NEURL1: variants seen among roughly 807,000 people sequenced by gnomAD.
NEURL1 encodes E3 ubiquitin-protein ligase NEURL1.
NEURL1 carries 26 observed loss-of-function variants against 41.2 expected under a neutral mutation model. The observed-to-expected ratio is 0.63, with a 90% CI of 0.46 to 0.87. NEURL1 has a LOEUF of 0.87. Among genes scored for constraint, NEURL1 ranks in the 40% least tolerant of loss-of-function variants. The pLI is 0.00. For synonymous variants in NEURL1, 400 were observed against 402.3 expected, an observed-to-expected ratio of 0.99 and a Z score of 0.07; for missense variants, 761 against 871.1, an observed-to-expected ratio of 0.87 and a Z score of 1.59.
intron 1 of NEURL1, among the ~76,000 whole-genome samples, chr10:103,519,726 T>G (rs184380792): frequency 2.6e-5 from 4 of 152,272 alleles, no homozygotes; most frequent in Admixed American, 2.6e-4. Context: ...CGTCATCACT[T>G]TTGTCACCAT....
Position 103,590,569 on chromosome 10 carries a change from G to A in NEURL1, c.*197G>A, listed in dbSNP as rs764304645. The A allele has an allele frequency of 2.2e-5, 13 of 593,856 alleles. 1 individual carries two copies. Among genetic ancestry groups the A allele is most frequent in the South Asian group, 2.0e-4 (10 of 49,812 alleles). 36.8% of individuals were successfully genotyped at this position (593,856 alleles called of 1,614,324 possible). A position where few individuals can be genotyped will look rare whatever the true frequency, so the allele number is the denominator to read the frequency against. ...AGGGAGGGGGCAGAGGCAAATCACCGGGCAGAGGGAGGGGAGGAGAGGAGG... is the reference window on the plus strand; with the variant it reads ...AGGGAGGGGGCAGAGGCAAATCACCAGGCAGAGGGAGGGGAGGAGAGGAGG... On this transcript the variant is annotated 3_prime_UTR_variant, in exon 6 of 6. Coordinates refer to ENST00000369780, the MANE Select transcript of NEURL1 (RefSeq NM_004210.5).
intron 1 of NEURL1, among the ~76,000 whole-genome samples, chr10:103,509,785 T>TAGGGGTGAAGGTGCTATTTC (rs2034029354): frequency 6.6e-6 from 1 of 152,098 alleles, no homozygotes; most frequent in Non-Finnish European, 1.5e-5. Flanking sequence ...AGGTGGTATT[T>TAGGGGTGAAGGTGCTATTTC]TGGGGTGAAG....
At chr10:103,533,584 T>C (rs2034621208) in intron 1 of NEURL1, among the ~76,000 whole-genome samples, 1 of 151,998 alleles carries the variant, frequency 6.6e-6, no homozygotes, top group African/African-American at 2.4e-5. Flanking sequence ...TCGCCCAGGC[T>C]GGAGTGCAGT....
intron 1 of NEURL1, among the ~76,000 whole-genome samples, chr10:103,564,161 G>A (rs2035367841): frequency 6.6e-6 from 1 of 152,218 alleles, no homozygotes; most frequent in Admixed American, 6.5e-5. Flanking sequence ...CTGAGAGGCA[G>A]GAATGTGGTC....
chr10:103,504,267 A>G (rs1161975878), intron 1 of NEURL1, among the ~76,000 whole-genome samples: 1 of 152,114 alleles, frequency 6.6e-6, no homozygotes, highest in Non-Finnish European at 1.5e-5. Flanking sequence ...CTGGGATTAC[A>G]GGCGGGAGCC....
chr10:103,559,749 A>G (rs1052423837), intron 1 of NEURL1, among the ~76,000 whole-genome samples: 1 of 152,202 alleles, frequency 6.6e-6, no homozygotes, highest in Admixed American at 6.5e-5. Context: ...CACCTGGTAC[A>G]TAGTAAGCAC....
At chr10:103,513,456 T>G (rs1297098663) in intron 1 of NEURL1, among the ~76,000 whole-genome samples, 2 of 152,210 alleles carry the variant, frequency 1.3e-5, no homozygotes, top group Admixed American at 6.5e-5. Flanking sequence ...GAGTGGCCTC[T>G]CCAAGGCTCA....
Position 103,552,277 on chromosome 10 carries a change from G to A in NEURL1, c.86-18595G>A, listed in dbSNP as rs1327885871. Among the ~76,000 whole-genome samples, 3 of 152,242 alleles carry A rather than the reference G, an allele frequency of 2.0e-5. No individual in the cohort carries two copies. In the East Asian group the frequency reaches 5.8e-4, roughly 29 times the overall value. On this transcript the variant is annotated intron_variant, in intron 1 of 5. Transcript: ENST00000369780. ...TGCAGGACTTCCCTATTGCTCTCAG[G>A]AAGAAGGCCAGAGTCTTCGCCCTTC...
intron 1 of NEURL1, among the ~76,000 whole-genome samples, chr10:103,529,665 C>T (rs1242425013): frequency 6.6e-6 from 1 of 152,150 alleles, no homozygotes; most frequent in African/African-American, 2.4e-5. Context: ...CAAATAGTTT[C>T]CAAATTCTGG....
intron 5 of NEURL1, 143 bp downstream of exon 5, chr10:103,589,803 C>G: frequency 1.8e-6 from 2 of 1,135,492 alleles, no homozygotes; most frequent in Non-Finnish European, 2.5e-6. Context: ...TGGGGTCATC[C>G]CCTCCTGTCC....
Position 103,584,982 on chromosome 10 carries a change from CG to C in NEURL1, c.1098del (p.Pro367ArgfsTer137). 6.5e-7 allele frequency: 1 copy of C among 1,535,406 alleles called. No homozygotes were observed. Among genetic ancestry groups the C allele is most frequent in the Non-Finnish European group, 8.7e-7 (1 of 1,150,638 alleles). On this transcript the variant is annotated frameshift_variant, in exon 4 of 6. Coordinates refer to ENST00000369780, the MANE Select transcript of NEURL1 (RefSeq NM_004210.5). LOFTEE classifies it high-confidence loss of function. ...GVTTCDPGTLRPADLPFSPEA... is the reference protein window; with the variant it reads ...GVTTCDPGTLXPADLPFSPEA... ...CACCACGTGCGACCCCGGCACGCTG[CG>C]GCCGGCCGACCTGCCTTTCAGCCCT...
chr10:103,582,595 C>A (rs572876174), intron 3 of NEURL1, among the ~76,000 whole-genome samples: 55 of 152,224 alleles, frequency 3.6e-4, no homozygotes, highest in Non-Finnish European at 4.1e-4. Context: ...CTGGAAGGGG[C>A]AGTGAAAGGG....
intron 3 of NEURL1, among the ~76,000 whole-genome samples, chr10:103,582,296 A>ACTGGCT (rs1216820740): frequency 6.6e-6 from 1 of 152,130 alleles, no homozygotes; most frequent in African/African-American, 2.4e-5. Flanking sequence ...AGGTCAGCCC[A>ACTGGCT]CTGGCTTTCC....
chr10:103,497,094 C>T (rs1298978634), intron 1 of NEURL1, among the ~76,000 whole-genome samples: 2 of 152,202 alleles, frequency 1.3e-5, no homozygotes. Flanking sequence ...ACCCAAGGTC[C>T]ACTGATCCTC....
chr10:103,522,508 G>A (rs142282976), intron 1 of NEURL1, among the ~76,000 whole-genome samples: 2,797 of 150,680 alleles, frequency 0.019, 70 homozygotes, highest in African/African-American at 0.06. Flanking sequence ...CCAGCTACTC[G>A]GGAGAGTCAC....
At chr10:103,568,971 C>T (rs547758693) in intron 1 of NEURL1, among the ~76,000 whole-genome samples, 10 of 152,226 alleles carry the variant, frequency 6.6e-5, no homozygotes, top group African/African-American at 7.2e-5. Context: ...CCTGCCACCA[C>T]GCCCAGCTAA....
At chr10:103,542,661 C>T (rs1323335006) in intron 1 of NEURL1, among the ~76,000 whole-genome samples, 2 of 151,384 alleles carry the variant, frequency 1.3e-5, no homozygotes, top group Non-Finnish European at 3.0e-5. Context: ...GCATCAGCCA[C>T]CATGTCCATT....
intron 1 of NEURL1, among the ~76,000 whole-genome samples, chr10:103,502,796 G>C (rs1373264431): frequency 6.6e-6 from 1 of 152,198 alleles, no homozygotes; most frequent in Admixed American, 6.5e-5. Context: ...TGGGAGCTGG[G>C]CACTGCCCAG....
rs1049521739 is a variant in NEURL1 at position 103,592,324 on chromosome 10, G to A, written c.*1952G>A. 6.6e-6 allele frequency: 1 copy of A among 152,644 alleles called. No homozygotes were observed. The highest frequency in any genetic ancestry group is 2.1e-4 in the South Asian group (1 of 4,824). 9.5% of individuals were successfully genotyped at this position (152,644 alleles called of 1,614,324 possible). Reference sequence around the variant, plus strand: ...GCAGTGGGTGTGTGGGGAAGTCACTGTCCCACTATGGGTCTCCACTACCCA... The same window carrying A: ...GCAGTGGGTGTGTGGGGAAGTCACTATCCCACTATGGGTCTCCACTACCCA... On this transcript the variant is annotated 3_prime_UTR_variant, in exon 6 of 6. Coordinates refer to ENST00000369780, the MANE Select transcript of NEURL1 (RefSeq NM_004210.5). This position sits in a 1 kb window ranked among gnomAD's most constrained non-coding sequence, Gnocchi z 4.8.
Sources: gnomAD v4.1 joint callset for allele counts (sites outside exome capture counted in the v4.1 genomes callset) on GRCh38, gnomAD v4.1.1 for gene constraint, Gnocchi (gnomAD v3.1) non-coding constraint, MANE v1.5 for transcripts, NCBI Gene and HGNC (gene_info 2026-07-23, HGNC 2026-07-21) for gene names.